PICALM: variants seen among roughly 807,000 people sequenced by gnomAD.
PICALM encodes the protein phosphatidylinositol binding clathrin assembly protein.
Under a neutral mutation model 80.5 loss-of-function variants are expected in PICALM, and 40 were observed. That is an observed-to-expected ratio of 0.50 (90% CI 0.39 to 0.65). PICALM has a LOEUF of 0.65. PICALM is among the 30% of genes least tolerant of loss of function. PICALM has a pLI of 0.00. For missense variants in PICALM, 676 were observed against 778.9 expected, an observed-to-expected ratio of 0.87 and a Z score of 1.57; for synonymous variants, 288 against 260.3, an observed-to-expected ratio of 1.11 and a Z score of -1.02.
intron 2 of PICALM, among the ~76,000 whole-genome samples, chr11:86,029,232 CT>C (rs1446713757): frequency 1.3e-5 from 2 of 151,876 alleles, no homozygotes; most frequent in Admixed American, 6.6e-5. Context: ...CAAATGTCCC[CT>C]AAGGGAAAAA....
chr11:85,965,755 A>T (rs995272608), intron 19 of PICALM, among the ~76,000 whole-genome samples: 2 of 151,642 alleles, frequency 1.3e-5, no homozygotes, highest in Non-Finnish European at 2.9e-5. Context: ...TCAACAACAT[A>T]ACAAAGTAAT....
chr11:86,054,629 C>G (rs1209782101), intron 1 of PICALM, among the ~76,000 whole-genome samples: 1 of 152,178 alleles, frequency 6.6e-6, no homozygotes, highest in African/African-American at 2.4e-5. Context: ...CTTTACTAAC[C>G]TCCTTCAAAG....
At chr11:86,047,425 T>C (rs1161785773) in intron 1 of PICALM, among the ~76,000 whole-genome samples, 1 of 152,244 alleles carries the variant, frequency 6.6e-6, no homozygotes, top group Non-Finnish European at 1.5e-5. Context: ...TTGCGAAAGT[T>C]CTGGGCATTG....
intron 16 of PICALM, 40 bp downstream of exon 16, chr11:85,981,705 A>G: frequency 6.6e-7 from 1 of 1,505,246 alleles, no homozygotes; most frequent in Non-Finnish European, 9.2e-7. Context: ...AAAACACTAA[A>G]TAACACACGG....
At chr11:86,063,986 T>C (rs1011888860) in intron 1 of PICALM, among the ~76,000 whole-genome samples, 1 of 152,208 alleles carries the variant, frequency 6.6e-6, no homozygotes, top group Non-Finnish European at 1.5e-5. Context: ...ACATCCTAGT[T>C]ACCAGATCCT....
intron 19 of PICALM, among the ~76,000 whole-genome samples, chr11:85,968,947 AACACACAC>A (rs57641869): frequency 0.022 from 3,144 of 144,050 alleles, 63 homozygotes; most frequent in East Asian, 0.045. Flanking sequence ...AAAATGACTC[AACACACAC>A]ACACACACAC....
intron 1 of PICALM, among the ~76,000 whole-genome samples, chr11:86,047,124 A>T (rs1266535740): frequency 6.6e-6 from 1 of 152,244 alleles, no homozygotes; most frequent in Non-Finnish European, 1.5e-5. Context: ...CCTTTCCACT[A>T]GCAGGATAGA....
At chr11:86,013,590 CAGG>C (rs1220940839) in intron 5 of PICALM, among the ~76,000 whole-genome samples, 1 of 151,852 alleles carries the variant, frequency 6.6e-6, no homozygotes, top group South Asian at 2.1e-4. Context: ...CATCTATCAA[CAGG>C]AGGATTAGAT....
intron 19 of PICALM, among the ~76,000 whole-genome samples, chr11:85,971,761 G>A (rs2094120441): frequency 6.6e-6 from 1 of 151,338 alleles, no homozygotes; most frequent in Non-Finnish European, 1.5e-5. Context: ...AACAAAAACA[G>A]AGCAGATGCT....
chr11:85,986,365 A>ATTTTTTTTTTTTTTTTTTTTTTTTTT (rs775072780), intron 13 of PICALM, among the ~76,000 whole-genome samples: 1 of 73,748 alleles, frequency 1.4e-5, no homozygotes, highest in African/African-American at 5.6e-5. Flanking sequence ...CCAACTTTTA[A>ATTTTTTTTTTTTTTTTTTTTTTTTTT]TTTTTTTTTT....
At chr11:85,971,684 C>A (rs112292095) in intron 19 of PICALM, among the ~76,000 whole-genome samples, 3 of 150,510 alleles carry the variant, frequency 2.0e-5, no homozygotes, top group African/African-American at 7.4e-5. Context: ...TGCAGTGAGC[C>A]GAGATCGCAC....
chr11:86,040,854 C>T (rs755116659), intron 1 of PICALM, among the ~76,000 whole-genome samples: 7 of 152,080 alleles, frequency 4.6e-5, no homozygotes, highest in East Asian at 1.9e-4. Context: ...TAAGTATATG[C>T]CAAATACTTA....
At chr11:86,044,124 T>C (rs1354493138) in intron 1 of PICALM, among the ~76,000 whole-genome samples, 1 of 152,210 alleles carries the variant, frequency 6.6e-6, no homozygotes, top group Non-Finnish European at 1.5e-5. Context: ...GGAGCTTATA[T>C]ACTAATGGGA....
chr11:86,001,012 A>G (rs201636933), intron 10 of PICALM, 23 bp downstream of exon 10: 4 of 1,612,996 alleles, frequency 2.5e-6, no homozygotes, highest in Middle Eastern at 1.7e-4. Flanking sequence ...ATTTTTCGAA[A>G]TAAGGAGAAT....
chr11:86,030,811 A>C (rs910651760), intron 2 of PICALM, among the ~76,000 whole-genome samples: 1 of 152,162 alleles, frequency 6.6e-6, no homozygotes, highest in African/African-American at 2.4e-5. Flanking sequence ...AAACAACTAT[A>C]TGAGATCAGA....
chr11:85,962,899 GCACAGACACAC>G (rs1226260285), intron 19 of PICALM, among the ~76,000 whole-genome samples: 1 of 152,148 alleles, frequency 6.6e-6, no homozygotes, highest in South Asian at 2.1e-4. Context: ...CTATTCCAAA[GCACAGACACAC>G]CATGCACTGG....
chr11:86,059,303 C>A (rs1173785559), intron 1 of PICALM, among the ~76,000 whole-genome samples: 1 of 152,048 alleles, frequency 6.6e-6, no homozygotes, highest in Admixed American at 6.6e-5. Flanking sequence ...AGAACAATAC[C>A]GAAAACAATT....
intron 1 of PICALM, among the ~76,000 whole-genome samples, chr11:86,062,033 C>A (rs1423106045): frequency 2.0e-5 from 3 of 152,064 alleles, no homozygotes; most frequent in African/African-American, 7.2e-5. Context: ...CTGTATGATT[C>A]CAACTATGAC....
chr11:86,039,668 T>G lies in PICALM; in HGVS notation c.131-8057A>C, dbSNP rs77970869. Reference sequence around the variant, plus strand: ...AGGTGCTTATGAAGAAATAAAAAATTTAACAGAGGTAAGTATTCCTGGGAA... The same window carrying G: ...AGGTGCTTATGAAGAAATAAAAAATGTAACAGAGGTAAGTATTCCTGGGAA... On this transcript the variant is annotated intron_variant, in intron 1 of 19. Coordinates refer to ENST00000393346, the MANE Select transcript of PICALM (RefSeq NM_007166.4). Among the ~76,000 whole-genome samples, 41 of 152,124 alleles carry G rather than the reference T, an allele frequency of 2.7e-4. 1 individual carries two copies. In the East Asian group the frequency reaches 7.9e-3, roughly 29 times the overall value.
Sources: allele counts gnomAD v4.1 joint callset (sites outside exome capture counted in the v4.1 genomes callset), GRCh38; gene constraint gnomAD v4.1.1; transcripts MANE v1.5; gene names NCBI Gene and HGNC (gene_info 2026-07-23, HGNC 2026-07-21).